The following MBD5 variants were observed in gnomAD, a reference collection of about 807,000 sequenced individuals.
The protein encoded by MBD5 is methyl-CpG-binding domain protein 5.
MBD5 carries 13 observed loss-of-function variants against 117.3 expected under a neutral mutation model. The ratio of observed to expected loss-of-function variants is 0.11; its 90% CI spans 0.07 to 0.18. MBD5 has a LOEUF of 0.18. Ranked by LOEUF, MBD5 falls within the 10% of genes least tolerant of loss-of-function variation. The pLI, the probability that MBD5 is intolerant of heterozygous loss-of-function variation, is 1.00. For missense variants in MBD5, 1,879 were observed against 2,093.8 expected (o/e 0.90, Z 2.00); for synonymous variants, 727 against 766.4 (o/e 0.95, Z 0.85).
At chr2:148,327,189 T>A (rs899045888) in intron 3 of MBD5, among the ~76,000 whole-genome samples, 4 of 152,084 alleles carry the variant, frequency 2.6e-5, no homozygotes, top group African/African-American at 7.2e-5. Flanking sequence ...GCTTGTAGAG[T>A]TTCTGCCGAG....
intron 3 of MBD5, among the ~76,000 whole-genome samples, chr2:148,338,089 A>C (rs190908143): frequency 4.9e-4 from 75 of 152,316 alleles, no homozygotes; most frequent in Non-Finnish European, 4.4e-5. Flanking sequence ...TGTTACTTAC[A>C]AGAATTTTTA....
At chr2:148,186,035 A>G (rs1698648602) in intron 2 of MBD5, among the ~76,000 whole-genome samples, 1 of 152,236 alleles carries the variant, frequency 6.6e-6, no homozygotes, top group Non-Finnish European at 1.5e-5. Context: ...GAATGTTAGG[A>G]CTGAGAAAAG....
At chr2:148,216,996 A>G (rs1165029406) in intron 2 of MBD5, among the ~76,000 whole-genome samples, 1 of 152,244 alleles carries the variant, frequency 6.6e-6, no homozygotes, top group Non-Finnish European at 1.5e-5. Flanking sequence ...TAGGACCTAA[A>G]GTAATGTTTA....
intron 1 of MBD5, among the ~76,000 whole-genome samples, chr2:148,031,327 A>T (rs1265498127): frequency 7.6e-6 from 1 of 132,316 alleles, no homozygotes; most frequent in Non-Finnish European, 1.7e-5. Context: ...CTGAGTGTGT[A>T]AATATGCCTT....
At chr2:148,053,283 A>G (rs912514028) in intron 1 of MBD5, among the ~76,000 whole-genome samples, 10 of 152,068 alleles carry the variant, frequency 6.6e-5, no homozygotes, top group African/African-American at 2.4e-4. Context: ...CTTTTCTTTC[A>G]TGACAGCTGT....
intron 4 of MBD5, among the ~76,000 whole-genome samples, chr2:148,411,382 C>T (rs1302727517): frequency 2.6e-5 from 4 of 152,054 alleles, no homozygotes; most frequent in Non-Finnish European, 5.9e-5. Context: ...ATCACTGGGT[C>T]GAGTGACAAT....
At chr2:148,035,782 C>T (rs778443062) in intron 1 of MBD5, among the ~76,000 whole-genome samples, 10 of 152,172 alleles carry the variant, frequency 6.6e-5, no homozygotes, top group Non-Finnish European at 1.3e-4. Flanking sequence ...TTCTGTGCCT[C>T]AGTCTCTTCA....
chr2:148,487,408 A>G (rs1681372336), intron 10 of MBD5, among the ~76,000 whole-genome samples: 1 of 152,146 alleles, frequency 6.6e-6, no homozygotes, highest in African/African-American at 2.4e-5. Flanking sequence ...CTAAGAAAGG[A>G]AATAGGACTG....
At chr2:148,502,862 A>T in intron 12 of MBD5, 1 of 358,774 alleles carries the variant, frequency 2.8e-6, no homozygotes, top group East Asian at 6.4e-5. Context: ...TTTGCAATTC[A>T]AATACTTTGG....
intron 4 of MBD5, among the ~76,000 whole-genome samples, chr2:148,395,586 G>A (rs372882929): frequency 1.3e-5 from 2 of 151,978 alleles, no homozygotes; most frequent in Middle Eastern, 6.8e-3. Flanking sequence ...CACCACACCC[G>A]GCTAATTTTT....
intron 4 of MBD5, among the ~76,000 whole-genome samples, chr2:148,438,197 T>C (rs1169566587): frequency 2.6e-5 from 4 of 152,242 alleles, no homozygotes; most frequent in African/African-American, 9.6e-5. Context: ...TATGTGAAGC[T>C]ACGGAAGTCA....
At chr2:148,507,960 T>G (rs1328060486) in intron 12 of MBD5, among the ~76,000 whole-genome samples, 1 of 152,196 alleles carries the variant, frequency 6.6e-6, no homozygotes, top group Non-Finnish European at 1.5e-5. Flanking sequence ...TTATAATAAA[T>G]AAATGTCTTA....
chr2:148,333,308 A>G (rs1341336426), intron 3 of MBD5, among the ~76,000 whole-genome samples: 2 of 152,172 alleles, frequency 1.3e-5, no homozygotes, highest in African/African-American at 2.4e-5. Context: ...CTTAATGACT[A>G]TGAATTTCCT....
intron 1 of MBD5, among the ~76,000 whole-genome samples, chr2:148,154,544 TG>T (rs1205625232): frequency 6.6e-6 from 1 of 152,198 alleles, no homozygotes; most frequent in Non-Finnish European, 1.5e-5. Context: ...GCTGCCGCCT[TG>T]CAATTTGATC....
At chr2:148,134,115 C>A (rs1697116329) in intron 1 of MBD5, among the ~76,000 whole-genome samples, 1 of 151,964 alleles carries the variant, frequency 6.6e-6, no homozygotes, top group Non-Finnish European at 1.5e-5. Context: ...CGTGTATTAG[C>A]CAGTCTTTGA....
intron 4 of MBD5, among the ~76,000 whole-genome samples, chr2:148,413,277 A>G (rs529688762): frequency 2.0e-5 from 3 of 152,232 alleles, no homozygotes; most frequent in East Asian, 1.9e-4. Context: ...ATAAATCTGC[A>G]TATGTTGAAG....
chr2:148,113,859 C>A (rs1696557478), intron 1 of MBD5, among the ~76,000 whole-genome samples: 3 of 152,024 alleles, frequency 2.0e-5, no homozygotes, highest in Admixed American at 2.0e-4. Flanking sequence ...CAGAGATAAT[C>A]ATTTTAGCCC....
chr2:148,323,601 G>A (rs557000408), intron 3 of MBD5, among the ~76,000 whole-genome samples: 1 of 152,042 alleles, frequency 6.6e-6, no homozygotes, highest in African/African-American at 2.4e-5. Context: ...GGCCAGTGAT[G>A]GTGAGCATTT....
chr2:148,038,417 A>G (rs573828856), intron 1 of MBD5, among the ~76,000 whole-genome samples: 2 of 151,590 alleles, frequency 1.3e-5, no homozygotes, highest in East Asian at 1.9e-4. Context: ...TCTCATCTCT[A>G]CAAAAACTTT....
Sources: allele counts gnomAD v4.1 joint callset (sites outside exome capture counted in the v4.1 genomes callset), GRCh38; gene constraint gnomAD v4.1.1; transcripts MANE v1.5; gene names NCBI Gene and HGNC (gene_info 2026-07-23, HGNC 2026-07-21).